NAV3: variants seen among roughly 807,000 people sequenced by gnomAD.
The protein encoded by NAV3 is neuron navigator 3.
A neutral mutation model predicts 244.7 loss-of-function variants in NAV3; 87 were observed. The ratio of observed to expected loss-of-function variants is 0.36; its 90% CI spans 0.30 to 0.42. The LOEUF (loss-of-function observed/expected upper bound fraction) is 0.42, where lower values mean the gene tolerates loss of function less well. Ranked by LOEUF, NAV3 falls within the 20% of genes least tolerant of loss-of-function variation. The pLI is 1.00. For synonymous variants in NAV3, 1,126 were observed against 1,042.2 expected, an observed-to-expected ratio of 1.08 and a Z score of -1.55; for missense variants, 2,663 against 2,893.3, an observed-to-expected ratio of 0.92 and a Z score of 1.83.
At chr12:77,745,706 C>T (rs1405429399) in intron 2 of NAV3, among the ~76,000 whole-genome samples, 2 of 151,892 alleles carry the variant, frequency 1.3e-5, no homozygotes, top group African/African-American at 2.4e-5. Flanking sequence ...AATAAGGAGT[C>T]AATTAGGACT....
chr12:78,176,712 A>G (rs1159803469), intron 26 of NAV3, among the ~76,000 whole-genome samples: 2 of 152,108 alleles, frequency 1.3e-5, no homozygotes, highest in Admixed American at 6.6e-5. Context: ...AAAAATCACA[A>G]TTAATGAAGT....
At chr12:78,002,697 T>A (rs1182710211) in intron 7 of NAV3, among the ~76,000 whole-genome samples, 1 of 152,144 alleles carries the variant, frequency 6.6e-6, no homozygotes, top group Non-Finnish European at 1.5e-5. Flanking sequence ...ACTGGTGATC[T>A]AATTATGCAT....
chr12:78,008,660 TTG>T (rs869193196), intron 8 of NAV3, among the ~76,000 whole-genome samples: 1 of 100,100 alleles, frequency 1.0e-5, no homozygotes, highest in Non-Finnish European at 2.3e-5. Context: ...ATTTATTTTT[TTG>T]CTCAATGAGG....
chr12:77,945,306 G>T (rs1166180379), intron 3 of NAV3, among the ~76,000 whole-genome samples: 2 of 152,212 alleles, frequency 1.3e-5, no homozygotes, highest in East Asian at 3.9e-4. Context: ...CTGTGTGGAA[G>T]ATTTGATATT....
In NAV3 at chr12:77,685,947, A is replaced by T. The variant is rs145273793; in HGVS notation, c.72+113681A>T. ...TGTAGGCACAGAGCTATTCTTAGCC[A>T]GTATAGTAGTGTCTCTTTAACATTG... On this transcript the variant is annotated intron_variant, in intron 2 of 8. Transcript: ENST00000550042. Among the ~76,000 whole-genome samples the T allele has an allele frequency of 1.8e-3, 277 of 152,306 alleles. No homozygotes were observed. The Middle Eastern group carries it at 0.031, about 17-fold the overall frequency.
chr12:78,037,545 T>G (rs558351510), intron 9 of NAV3, among the ~76,000 whole-genome samples: 1 of 152,328 alleles, frequency 6.6e-6, no homozygotes, highest in East Asian at 1.9e-4. Context: ...AAGTGATTTT[T>G]TTTTTTAATT....
intron 7 of NAV3, among the ~76,000 whole-genome samples, chr12:77,999,859 T>C (rs1872943842): frequency 6.6e-6 from 1 of 152,064 alleles, no homozygotes; most frequent in African/African-American, 2.4e-5. Flanking sequence ...GGCTAATACT[T>C]CCTGTATATG....
chr12:77,871,146 A>G (rs1396939147), intron 1 of NAV3, among the ~76,000 whole-genome samples: 2 of 152,204 alleles, frequency 1.3e-5, no homozygotes. Flanking sequence ...CTTATACTTA[A>G]TTTAAGAAAG....
intron 12 of NAV3, among the ~76,000 whole-genome samples, chr12:78,059,393 A>G (rs1883992288): frequency 6.6e-6 from 1 of 151,938 alleles, no homozygotes; most frequent in Non-Finnish European, 1.5e-5. Context: ...GGTTCAAGTG[A>G]TTCTCCTGCC....
At chr12:77,712,048 G>A (rs891267150) in intron 2 of NAV3, among the ~76,000 whole-genome samples, 3 of 152,138 alleles carry the variant, frequency 2.0e-5, no homozygotes, top group East Asian at 1.9e-4. Flanking sequence ...TAAACCCCAG[G>A]TCATTTAAAC....
rs1017323861 is a variant in NAV3 at position 77,864,940 on chromosome 12, C to G, written c.243+33236C>G. Among the ~76,000 whole-genome samples the G allele has an allele frequency of 2.5e-4, 38 of 151,894 alleles. 1 individual carries two copies. Among genetic ancestry groups the G allele is most frequent in the Admixed American group, 1.0e-3 (16 of 15,240 alleles). ...AATAATGAATTAATGAGTGAGCTGACCCAGAAGTATCTCCACAAAGGTACA... is the reference window on the plus strand; with the variant it reads ...AATAATGAATTAATGAGTGAGCTGAGCCAGAAGTATCTCCACAAAGGTACA... On this transcript the variant is annotated intron_variant, in intron 1 of 39. Coordinates refer to ENST00000397909, the MANE Select transcript of NAV3 (RefSeq NM_001024383.2).
chr12:78,046,889 A>C (rs966861946), intron 9 of NAV3, among the ~76,000 whole-genome samples: 1 of 152,022 alleles, frequency 6.6e-6, no homozygotes, highest in Admixed American at 6.6e-5. Flanking sequence ...GGTCTCTAAG[A>C]ACTTGCTTTA....
At chr12:77,733,573 T>C (rs977392957) in intron 2 of NAV3, among the ~76,000 whole-genome samples, 1 of 151,954 alleles carries the variant, frequency 6.6e-6, no homozygotes, top group African/African-American at 2.4e-5. Flanking sequence ...ACATCATCTG[T>C]GATCACTTGA....
At chr12:78,184,274 T>C (rs1958618802) in intron 30 of NAV3, among the ~76,000 whole-genome samples, 1 of 151,910 alleles carries the variant, frequency 6.6e-6, no homozygotes, top group South Asian at 2.1e-4. Context: ...TTATGAGTAA[T>C]TAAGACAAGT....
At chr12:78,122,816 G>T (rs1432416250) in intron 16 of NAV3, among the ~76,000 whole-genome samples, 2 of 151,168 alleles carry the variant, frequency 1.3e-5, no homozygotes, top group Non-Finnish European at 1.5e-5. Flanking sequence ...TTATTCTATA[G>T]TTATGCTCAG....
intron 2 of NAV3, among the ~76,000 whole-genome samples, chr12:77,766,662 T>C (rs1014668330): frequency 2.0e-5 from 3 of 150,966 alleles, no homozygotes; most frequent in Admixed American, 1.3e-4. Flanking sequence ...TTTAAAATGG[T>C]AATCTTGACC....
rs150326120 is a variant in NAV3 at position 78,077,404 on chromosome 12, G to A, written c.2636+18289G>A. ...GGCAAAATCAAGATATTGTGTATCT[G>A]TTTACACAATGAGAGAAAACAAATT... On this transcript the variant is annotated intron_variant, in intron 12 of 39. Transcript: ENST00000397909. Among the ~76,000 whole-genome samples the A allele has an allele frequency of 2.6e-5, 4 of 152,242 alleles. No individual in the cohort carries two copies. The East Asian group carries it at 7.7e-4, about 29-fold the overall frequency.
At position 78,200,529 on chromosome 12, in the gene NAV3, A is replaced by T; in HGVS notation, c.6772A>T (p.Met2258Leu). 3 of 1,603,534 alleles carry T rather than the reference A, an allele frequency of 1.9e-6. No homozygotes were observed. Among genetic ancestry groups the T allele is most frequent in the Non-Finnish European group, 2.6e-6 (3 of 1,174,362 alleles). The part of the protein sequence containing the change: ...MDVEGSRVWF[M>L]DLWNYSLVPY... ...TGTAGAAGGTTCTAGAGTATGGTTC[A>T]TGGATCTCTGGAACTATTCTTTAGT... Residue 2258 changes from methionine (M) to leucine (L), a missense_variant, in exon 38 of 40, where the codon ATG (methionine) becomes TTG (leucine). Physicochemically the swap from Met to Leu is conservative, Grantham distance 15. Around this residue, in one of 6 missense-constraint regions of NAV3, gnomAD observed 543 missense variants for 672.4 expected, o/e 0.81. Transcript: ENST00000397909.
intron 2 of NAV3, among the ~76,000 whole-genome samples, chr12:77,620,242 T>C (rs1871315371): frequency 6.6e-6 from 1 of 152,214 alleles, no homozygotes; most frequent in Admixed American, 6.5e-5. Flanking sequence ...ATCTTTATAA[T>C]AGGGTTTTAT....
Sources: gnomAD v4.1 joint callset for allele counts (sites outside exome capture counted in the v4.1 genomes callset) on GRCh38, gnomAD v4.1.1 for gene constraint, gnomAD v4.1.1 regional missense constraint, MANE v1.5 for transcripts, NCBI Gene and HGNC (gene_info 2026-07-23, HGNC 2026-07-21) for gene names.